TP63: variants seen among roughly 807,000 people sequenced by gnomAD.
TP63 encodes the protein tumor protein p63.
TP63 carries 17 observed loss-of-function variants against 82.8 expected under a neutral mutation model. The observed-to-expected ratio is 0.21, with a 90% CI of 0.14 to 0.31. The LOEUF (loss-of-function observed/expected upper bound fraction) is 0.31. TP63 is among the 10% of genes least tolerant of loss of function. TP63 has a pLI of 1.00. For synonymous variants in TP63, 330 were observed against 321.7 expected, an observed-to-expected ratio of 1.03 and a Z score of -0.28; for missense variants, 648 against 895.3, an observed-to-expected ratio of 0.72 and a Z score of 3.52.
chr3:189,805,669 A>G (rs1311032300), intron 3 of TP63, among the ~76,000 whole-genome samples: 1 of 152,182 alleles, frequency 6.6e-6, no homozygotes, highest in African/African-American at 2.4e-5. Flanking sequence ...AAGGAAGGCC[A>G]GTGAGTGTGC....
intron 3 of TP63, among the ~76,000 whole-genome samples, chr3:189,773,342 C>T (rs1291594369): frequency 6.6e-6 from 1 of 152,160 alleles, no homozygotes; most frequent in Non-Finnish European, 1.5e-5. Flanking sequence ...GGTCAAAGTC[C>T]TTAGACAGTA....
intron 3 of TP63, among the ~76,000 whole-genome samples, chr3:189,740,998 T>C (rs951330120): frequency 7.2e-5 from 11 of 152,208 alleles, no homozygotes; most frequent in African/African-American, 2.7e-4. Context: ...GTACTTGCCA[T>C]GTCCAGTGCT....
chr3:189,652,387 A>G (rs1271368968), intron 1 of TP63, among the ~76,000 whole-genome samples: 3 of 147,034 alleles, frequency 2.0e-5, no homozygotes, highest in Non-Finnish European at 4.5e-5. Flanking sequence ...TGGGGCCTAT[A>G]GCTCCATTGT....
In TP63 at chr3:189,668,984, A is replaced by G. The variant is rs562468054; in HGVS notation, c.62+37407A>G. The stretch of plus-strand genomic sequence containing the variant: ...AAAGAAAGTCACACCTAGGCATATC[A>G]TAAATTCATTTCTTTAAAGCTAAAG... On this transcript the variant is annotated intron_variant, in intron 1 of 13. Coordinates refer to ENST00000264731, the MANE Select transcript of TP63 (RefSeq NM_003722.5). Among the ~76,000 whole-genome samples, 4 of 151,732 alleles carry G rather than the reference A, an allele frequency of 2.6e-5. No individual in the cohort carries two copies. The South Asian group carries it at 8.3e-4, about 32-fold the overall frequency.
chr3:189,720,736 GAAA>G (rs548352369), intron 1 of TP63, among the ~76,000 whole-genome samples: 2 of 120,912 alleles, frequency 1.7e-5, no homozygotes, highest in Middle Eastern at 4.3e-3. Flanking sequence ...CTCCGTCTCA[GAAA>G]AAAAAAAAAA....
intron 4 of TP63, among the ~76,000 whole-genome samples, chr3:189,827,355 C>T (rs765173178): frequency 6.6e-6 from 1 of 152,088 alleles, no homozygotes; most frequent in African/African-American, 2.4e-5. Context: ...ATACCCACCC[C>T]CCACCAGCTC....
Position 189,835,026 on chromosome 3 carries a change from C to T in TP63, c.579+26500C>T, listed in dbSNP as rs74803440. ...GAGTGACCTGATCTTATGGATCGTCCGAGTCCTGTGAGACAAAAATGCTGG... is the reference window on the plus strand; with the variant it reads ...GAGTGACCTGATCTTATGGATCGTCTGAGTCCTGTGAGACAAAAATGCTGG... On this transcript the variant is annotated intron_variant, in intron 4 of 13. Transcript: ENST00000264731. Among the ~76,000 whole-genome samples the T allele has an allele frequency of 6.0e-3, 908 of 151,870 alleles. 11 individuals are homozygous for T. Among genetic ancestry groups the T allele is most frequent in the African/African-American group, 0.021 (865 of 41,426 alleles).
At chr3:189,689,983 G>T (rs1439423587) in intron 1 of TP63, among the ~76,000 whole-genome samples, 1 of 152,070 alleles carries the variant, frequency 6.6e-6, no homozygotes, top group Non-Finnish European at 1.5e-5. Context: ...CAAGGTAATG[G>T]ATATCTTTGC....
intron 4 of TP63, among the ~76,000 whole-genome samples, chr3:189,822,742 C>G (rs536987099): frequency 1.2e-4 from 19 of 152,260 alleles, no homozygotes; most frequent in African/African-American, 3.9e-4. Flanking sequence ...ACTCATGCTA[C>G]AAAATGATAA....
At chr3:189,811,085 T>A (rs1727512595) in intron 4 of TP63, among the ~76,000 whole-genome samples, 1 of 152,110 alleles carries the variant, frequency 6.6e-6, no homozygotes, top group African/African-American at 2.4e-5. Flanking sequence ...ACTGTGGTGA[T>A]GAGAAAAAGG....
At chr3:189,889,007 A>G (rs1169173322) in intron 11 of TP63, among the ~76,000 whole-genome samples, 1 of 152,206 alleles carries the variant, frequency 6.6e-6, no homozygotes, top group Non-Finnish European at 1.5e-5. Context: ...TTAGTGAGGG[A>G]GACAGAAATA....
the TP63 span, among the ~76,000 whole-genome samples, chr3:189,619,592 T>G: frequency 1.3e-5 from 2 of 152,190 alleles, no homozygotes; most frequent in African/African-American, 4.8e-5. Context: ...AGCCTTTAAC[T>G]GCTTGTTAAG....
intron 1 of TP63, among the ~76,000 whole-genome samples, chr3:189,701,314 A>T (rs1231037996): frequency 2.0e-5 from 3 of 152,012 alleles, no homozygotes; most frequent in Non-Finnish European, 2.9e-5. Flanking sequence ...AAGCTATGAA[A>T]ATTCATTTCT....
intron 4 of TP63, among the ~76,000 whole-genome samples, chr3:189,848,774 A>G (rs751148433): frequency 8.5e-5 from 13 of 152,176 alleles, no homozygotes; most frequent in Non-Finnish European, 1.9e-4. Flanking sequence ...TTTATCAGGG[A>G]TGCACTCCTG....
At chr3:189,870,941 A>T (rs1312509019) in intron 9 of TP63, among the ~76,000 whole-genome samples, 1 of 152,150 alleles carries the variant, frequency 6.6e-6, no homozygotes, top group African/African-American at 2.4e-5. Context: ...CTCTCAGGGG[A>T]ATAAATTGCC....
At chr3:189,877,135 C>A (rs186293782) in intron 10 of TP63, among the ~76,000 whole-genome samples, 2 of 152,256 alleles carry the variant, frequency 1.3e-5, no homozygotes, top group East Asian at 3.9e-4. Flanking sequence ...CGAAGATAGA[C>A]TTTACAGAGC....
intron 1 of TP63, among the ~76,000 whole-genome samples, chr3:189,644,705 C>T (rs1712245090): frequency 6.6e-6 from 1 of 152,006 alleles, no homozygotes; most frequent in South Asian, 2.1e-4. Flanking sequence ...CTTGAGTGTC[C>T]AAAGTCCATA....
intron 10 of TP63, chr3:189,873,345 A>C (rs969084301): frequency 2.9e-6 from 1 of 341,456 alleles, no homozygotes; most frequent in South Asian, 2.7e-5. Context: ...AAAACATGAA[A>C]TCTTTTCTCA....
intron 1 of TP63, among the ~76,000 whole-genome samples, chr3:189,644,292 AC>A (rs1402291179): frequency 1.5e-5 from 2 of 129,180 alleles, no homozygotes; most frequent in Non-Finnish European, 3.2e-5. Flanking sequence ...CCTCTCTCAT[AC>A]CCCCAGCTTG....
Sources: allele counts gnomAD v4.1 joint callset (sites outside exome capture counted in the v4.1 genomes callset), GRCh38; gene constraint gnomAD v4.1.1; transcripts MANE v1.5; gene names NCBI Gene and HGNC (gene_info 2026-07-23, HGNC 2026-07-21).